Variants in FOXN3 observed in about 807,000 individuals in gnomAD.
FOXN3 encodes forkhead box protein N3.
A neutral mutation model predicts 38.4 loss-of-function variants in FOXN3; 7 were observed. That is an observed-to-expected ratio of 0.18 (90% confidence interval 0.10 to 0.34). FOXN3 has a LOEUF of 0.34. FOXN3 is among the 10% of genes least tolerant of loss of function. FOXN3 has a pLI of 1.00. For synonymous variants in FOXN3, 230 were observed against 242.2 expected, an observed-to-expected ratio of 0.95 and a Z score of 0.47; for missense variants, 456 against 613.4, an observed-to-expected ratio of 0.74 and a Z score of 2.71.
intron 1 of FOXN3, among the ~76,000 whole-genome samples, chr14:89,433,119 C>CG (rs1474122045): frequency 3.3e-5 from 5 of 152,130 alleles, no homozygotes; most frequent in Non-Finnish European, 5.9e-5. Flanking sequence ...GAGGCCGAGG[C>CG]GGGGTGAGTC....
At chr14:89,171,773 C>T (rs1022614806) in intron 5 of FOXN3, among the ~76,000 whole-genome samples, 2 of 152,090 alleles carry the variant, frequency 1.3e-5, no homozygotes, top group African/African-American at 2.4e-5. Context: ...AAACCTTTAA[C>T]TAATGTCCTA....
chr14:89,618,445 GAAACTCA>G (rs941688261), intron 1 of FOXN3, among the ~76,000 whole-genome samples: 1 of 152,102 alleles, frequency 6.6e-6, no homozygotes, highest in African/African-American at 2.4e-5. Context: ...ACCCTCAGTG[GAAACTCA>G]TCTGTAGATG....
chr14:89,594,535 C>G (rs1376910798), intron 1 of FOXN3, among the ~76,000 whole-genome samples: 1 of 152,194 alleles, frequency 6.6e-6, no homozygotes, highest in Non-Finnish European at 1.5e-5. Flanking sequence ...CTATTTAAGA[C>G]TCTTGTCCAT....
intron 1 of FOXN3, among the ~76,000 whole-genome samples, chr14:89,472,034 T>C (rs1306104402): frequency 6.6e-6 from 1 of 152,038 alleles, no homozygotes; most frequent in Non-Finnish European, 1.5e-5. Flanking sequence ...GGTGGGAGGA[T>C]CACCTGAGGT....
At chr14:89,307,611 G>A (rs1438254651) in intron 3 of FOXN3, among the ~76,000 whole-genome samples, 1 of 152,100 alleles carries the variant, frequency 6.6e-6, no homozygotes, top group Non-Finnish European at 1.5e-5. Flanking sequence ...CTCTCCCTTC[G>A]GTTCTCCATT....
At chr14:89,472,978 G>T (rs574544635) in intron 1 of FOXN3, among the ~76,000 whole-genome samples, 2 of 152,140 alleles carry the variant, frequency 1.3e-5, no homozygotes, top group South Asian at 4.1e-4. Context: ...TGCTCCAAAT[G>T]CATTTGCATT....
At chr14:89,582,702 T>C (rs1046514558) in intron 1 of FOXN3, among the ~76,000 whole-genome samples, 1 of 152,144 alleles carries the variant, frequency 6.6e-6, no homozygotes. Flanking sequence ...TTAACATATA[T>C]ATACACCTGT....
At chr14:89,612,494 G>A (rs1383136473) in intron 1 of FOXN3, among the ~76,000 whole-genome samples, 3 of 152,152 alleles carry the variant, frequency 2.0e-5, no homozygotes, top group African/African-American at 7.2e-5. Flanking sequence ...ATTTCAGAGT[G>A]CAACAAGAGC....
intron 3 of FOXN3, among the ~76,000 whole-genome samples, chr14:89,320,699 C>T (rs1260342362): frequency 7.2e-5 from 11 of 152,162 alleles, no homozygotes; most frequent in Non-Finnish European, 1.2e-4. Context: ...TCAATACAAA[C>T]TTCAGATAAA....
chr14:89,319,305 G>A (rs1476820326), intron 3 of FOXN3, among the ~76,000 whole-genome samples: 1 of 152,070 alleles, frequency 6.6e-6, no homozygotes, highest in East Asian at 1.9e-4. Context: ...AGGATATGAA[G>A]CACAAATAGC....
intron 4 of FOXN3, among the ~76,000 whole-genome samples, chr14:89,218,065 C>T (rs960459882): frequency 2.6e-5 from 4 of 152,182 alleles, no homozygotes; most frequent in African/African-American, 9.7e-5. Flanking sequence ...TAGCAAAACC[C>T]GGTTTCACTC....
At chr14:89,333,091 T>C (rs1427040560) in intron 3 of FOXN3, 1 of 152,946 alleles carries the variant, frequency 6.5e-6, no homozygotes, top group East Asian at 1.9e-4. Context: ...GGTGAGGACA[T>C]GGAGAAAAGG....
At chr14:89,368,807 C>A (rs1890229387) in intron 2 of FOXN3, among the ~76,000 whole-genome samples, 2 of 152,126 alleles carry the variant, frequency 1.3e-5, no homozygotes, top group Non-Finnish European at 2.9e-5. Context: ...CAACCTGGGG[C>A]ACAGAACAGT....
At chr14:89,321,248 G>A (rs1051137079) in intron 3 of FOXN3, among the ~76,000 whole-genome samples, 3 of 151,754 alleles carry the variant, frequency 2.0e-5, no homozygotes, top group Non-Finnish European at 4.4e-5. Context: ...CAGAGATTGC[G>A]TTACTGCCCT....
At chr14:89,536,140 G>T (rs1420443496) in intron 1 of FOXN3, among the ~76,000 whole-genome samples, 1 of 152,224 alleles carries the variant, frequency 6.6e-6, no homozygotes, top group African/African-American at 2.4e-5. Flanking sequence ...GGTGAGGAAT[G>T]AAGCACAGAT....
At chr14:89,451,505 C>G (rs974068704) in intron 1 of FOXN3, among the ~76,000 whole-genome samples, 2 of 152,136 alleles carry the variant, frequency 1.3e-5, no homozygotes, top group African/African-American at 4.8e-5. Flanking sequence ...CTGAGACTGG[C>G]CTTTAGATTG....
chr14:89,389,735 G>A (rs1452552251), intron 2 of FOXN3, among the ~76,000 whole-genome samples: 1 of 152,146 alleles, frequency 6.6e-6, no homozygotes, highest in African/African-American at 2.4e-5. Context: ...ACCATACAAA[G>A]GGTAGCTTGG....
chr14:89,573,328 T>C (rs1566705000), intron 1 of FOXN3, among the ~76,000 whole-genome samples: 1 of 152,208 alleles, frequency 6.6e-6, no homozygotes, highest in Non-Finnish European at 1.5e-5. Flanking sequence ...TAAAGTCTAA[T>C]AAATGGCAGG....
intron 1 of FOXN3, among the ~76,000 whole-genome samples, chr14:89,423,055 T>C (rs893769448): frequency 6.6e-6 from 1 of 152,336 alleles, no homozygotes; most frequent in East Asian, 1.9e-4. Context: ...CTAGCTCCTC[T>C]ATACCCAGTG....
Sources: allele counts gnomAD v4.1 joint callset (sites outside exome capture counted in the v4.1 genomes callset), GRCh38; gene constraint gnomAD v4.1.1; transcripts MANE v1.5; gene names NCBI Gene and HGNC (gene_info 2026-07-23, HGNC 2026-07-21).